Variants in DCC observed in about 807,000 individuals in gnomAD.
DCC encodes the protein netrin receptor DCC.
Under a neutral mutation model 172.5 loss-of-function variants are expected in DCC, and 58 were observed. The ratio of observed to expected loss-of-function variants is 0.34; its 90% confidence interval spans 0.27 to 0.42. The LOEUF (loss-of-function observed/expected upper bound fraction) is 0.42. DCC is among the 10% of genes least tolerant of loss of function. DCC has a pLI of 1.00. For missense variants in DCC, 1,740 were observed against 1,791.0 expected (o/e 0.97, Z 0.51); for synonymous variants, 709 against 644.5 (o/e 1.10, Z -1.52).
chr18:53,086,376 T>C lies in DCC; in HGVS notation c.1261+20210T>C, dbSNP rs943259284. The stretch of plus-strand genomic sequence containing the variant: ...TCCTTTCTTCTTCTTCTTCTTCTTC[T>C]TCCTTTCTTCTTCTTCTTCTTCTTC... On this transcript the variant is annotated intron_variant, in intron 7 of 28. Transcript: ENST00000442544. Among the ~76,000 whole-genome samples, 2 of 36,262 alleles carry C rather than the reference T, an allele frequency of 5.5e-5. 1 individual carries two copies. The highest frequency in any genetic ancestry group is 8.2e-4 in the African/African-American group (2 of 2,452). The allele number at this position is 36,262 out of a possible 152,430, so 23.8% of individuals were successfully genotyped here.
intron 5 of DCC, among the ~76,000 whole-genome samples, chr18:53,056,268 C>G (rs1011405339): frequency 3.3e-5 from 5 of 152,096 alleles, no homozygotes; most frequent in African/African-American, 1.2e-4. Context: ...ACCATCAGCT[C>G]TCCTGAGAAC....
rs1229508161 is a variant in DCC at position 52,913,881 on chromosome 18, A to C, written c.697+7553A>C. ...AAAGTCACAAAAAAATAGTGAAAAG[A>C]CCTGTAGAGCTTGCTTCCTTCTTTG... On this transcript the variant is annotated intron_variant, in intron 3 of 28. Coordinates refer to ENST00000442544, the MANE Select transcript of DCC (RefSeq NM_005215.4). Among the ~76,000 whole-genome samples, 4 of 152,050 alleles carry C rather than the reference A, an allele frequency of 2.6e-5. No homozygotes were observed. The East Asian group carries it at 7.7e-4, about 29-fold the overall frequency.
rs373578636 is a variant in DCC at position 52,545,110 on chromosome 18, G to A, written c.91+204232G>A. On this transcript the variant is annotated intron_variant, in intron 1 of 28. Transcript: ENST00000442544. ...GCAGGGAAGATAAGATGCTCAATTAGATGGTGGAAGCATGGACCGCTCTCA... is the reference window on the plus strand; with the variant it reads ...GCAGGGAAGATAAGATGCTCAATTAAATGGTGGAAGCATGGACCGCTCTCA... Among the ~76,000 whole-genome samples, 26 of 152,328 alleles carry A rather than the reference G, an allele frequency of 1.7e-4. 1 individual carries two copies. Among genetic ancestry groups the A allele is most frequent in the African/African-American group, 5.8e-4 (24 of 41,588 alleles).
intron 15 of DCC, among the ~76,000 whole-genome samples, chr18:53,385,819 T>G (rs982414659): frequency 3.3e-5 from 5 of 152,212 alleles, no homozygotes; most frequent in African/African-American, 9.6e-5. Context: ...GCTTTCGGTT[T>G]TCTACCTAGT....
intron 17 of DCC, among the ~76,000 whole-genome samples, chr18:53,395,462 T>C (rs1343768943): frequency 6.6e-6 from 1 of 152,176 alleles, no homozygotes; most frequent in African/African-American, 2.4e-5. Flanking sequence ...CATTTCTCCC[T>C]TTTATTTCCA....
intron 1 of DCC, among the ~76,000 whole-genome samples, chr18:52,402,131 AT>A (rs957707452): frequency 1.1e-4 from 17 of 152,068 alleles, no homozygotes; most frequent in African/African-American, 3.9e-4. Context: ...TACTTTAGAA[AT>A]CCTTTTAGTT....
intron 1 of DCC, among the ~76,000 whole-genome samples, chr18:52,652,531 A>G (rs959418906): frequency 6.6e-6 from 1 of 152,180 alleles, no homozygotes; most frequent in African/African-American, 2.4e-5. Context: ...TGACTCTAAT[A>G]ACATGGGACA....
intron 1 of DCC, among the ~76,000 whole-genome samples, chr18:52,667,660 C>A (rs111780762): frequency 6.6e-6 from 1 of 152,196 alleles, no homozygotes; most frequent in African/African-American, 2.4e-5. Context: ...GATCCAGTCA[C>A]GCTCTGCATA....
chr18:53,350,507 C>CA (rs1341955101), intron 15 of DCC, among the ~76,000 whole-genome samples: 5 of 151,894 alleles, frequency 3.3e-5, no homozygotes, highest in African/African-American at 2.4e-5. Flanking sequence ...GCTAAGCATA[C>CA]AAAAAAGTAA....
At chr18:52,446,168 G>C (rs1279199107) in intron 1 of DCC, among the ~76,000 whole-genome samples, 1 of 151,998 alleles carries the variant, frequency 6.6e-6, no homozygotes, top group Non-Finnish European at 1.5e-5. Context: ...TGATCCTCCC[G>C]CCTCGGTCTC....
intron 12 of DCC, among the ~76,000 whole-genome samples, chr18:53,217,300 CAT>C (rs1555732525): frequency 0.083 from 7,972 of 96,192 alleles, 234 homozygotes; most frequent in African/African-American, 0.12. Flanking sequence ...CACACACACA[CAT>C]ATGTATATAC....
At chr18:52,684,864 A>C (rs183573407) in intron 1 of DCC, among the ~76,000 whole-genome samples, 106 of 152,290 alleles carry the variant, frequency 7.0e-4, no homozygotes, top group African/African-American at 2.4e-3. Flanking sequence ...TTTTATGCAA[A>C]GTTAATATTT....
At chr18:52,410,857 T>C in intron 1 of DCC, among the ~76,000 whole-genome samples, 1 of 152,264 alleles carries the variant, frequency 6.6e-6, no homozygotes, top group South Asian at 2.1e-4. Context: ...TATTGGATGA[T>C]AGAGCAAATA....
intron 18 of DCC, among the ~76,000 whole-genome samples, chr18:53,400,395 G>A (rs979464990): frequency 2.0e-4 from 31 of 152,102 alleles, no homozygotes; most frequent in African/African-American, 7.5e-4. Context: ...GGGGAATGAA[G>A]TACATAAAAT....
intron 27 of DCC, among the ~76,000 whole-genome samples, chr18:53,509,356 A>C (rs2144521337): frequency 6.6e-6 from 1 of 152,344 alleles, no homozygotes; most frequent in Admixed American, 6.5e-5. Context: ...ATAAATATTA[A>C]CTTCTAAGCT....
chr18:52,913,616 A>G (rs2040000450), intron 3 of DCC, among the ~76,000 whole-genome samples: 1 of 152,112 alleles, frequency 6.6e-6, no homozygotes, highest in Admixed American at 6.6e-5. Flanking sequence ...AGCAAAAACA[A>G]TGTATTTGAG....
chr18:52,464,148 C>A (rs973910923), intron 1 of DCC, among the ~76,000 whole-genome samples: 2 of 152,166 alleles, frequency 1.3e-5, no homozygotes, highest in African/African-American at 2.4e-5. Context: ...TTTCCATATT[C>A]CCCTAAGATT....
chr18:52,636,607 T>A (rs150918161), intron 1 of DCC, among the ~76,000 whole-genome samples: 2 of 152,212 alleles, frequency 1.3e-5, no homozygotes, highest in South Asian at 2.1e-4. Context: ...CAAAAGCAGC[T>A]GCATAATCCT....
chr18:53,206,368 GTAACACA>G lies in DCC; in HGVS notation c.1722+1007_1722+1013del, dbSNP rs1568365026. On this transcript the variant is annotated intron_variant, in intron 10 of 28. Coordinates refer to ENST00000442544, the MANE Select transcript of DCC (RefSeq NM_005215.4). ...ATATGTATATATACATATATGTATTGTAACACATATATGTATATATGTATATATACAT... is the reference window on the plus strand; with the variant it reads ...ATATGTATATATACATATATGTATTGTATATGTATATATGTATATATACAT... Among the ~76,000 whole-genome samples, 46 of 36,796 alleles carry G rather than the reference GTAACACA, an allele frequency of 1.3e-3. 2 individuals are homozygous for G. Among genetic ancestry groups the G allele is most frequent in the Non-Finnish European group, 2.0e-3 (28 of 13,676 alleles). 24.1% of individuals were successfully genotyped at this position (36,796 alleles called of 152,430 possible).
Sources: allele counts gnomAD v4.1 joint callset (sites outside exome capture counted in the v4.1 genomes callset), GRCh38; gene constraint gnomAD v4.1.1; transcripts MANE v1.5; gene names NCBI Gene and HGNC (gene_info 2026-07-23, HGNC 2026-07-21).